HACE1: variants seen among roughly 807,000 people sequenced by gnomAD.
HACE1 encodes the protein HECT domain and ankyrin repeat containing E3 ubiquitin protein ligase 1.
Under a neutral mutation model 118.4 loss-of-function variants are expected in HACE1, and 73 were observed. That is an observed-to-expected ratio of 0.62 (90% CI 0.51 to 0.75). HACE1 has a LOEUF of 0.75. HACE1 is among the 30% of genes least tolerant of loss of function. The pLI is 0.00. For synonymous variants in HACE1, 368 were observed against 374.8 expected, an observed-to-expected ratio of 0.98 and a Z score of 0.21; for missense variants, 749 against 1,102.2, an observed-to-expected ratio of 0.68 and a Z score of 4.54.
intron 19 of HACE1, among the ~76,000 whole-genome samples, chr6:104,757,484 A>G (rs1164804717): frequency 1.3e-5 from 2 of 152,204 alleles, no homozygotes; most frequent in African/African-American, 4.8e-5. Flanking sequence ...TAACACACAG[A>G]AAGGAAGAGC....
chr6:104,745,908 T>C (rs1777379375), intron 20 of HACE1, among the ~76,000 whole-genome samples: 2 of 152,134 alleles, frequency 1.3e-5, no homozygotes, highest in Admixed American at 6.6e-5. Context: ...GTCCATGAGG[T>C]TCTCCCTTTT....
chr6:104,757,586 G>A (rs1374294183), intron 19 of HACE1, among the ~76,000 whole-genome samples: 1 of 152,160 alleles, frequency 6.6e-6, no homozygotes, highest in African/African-American at 2.4e-5. Context: ...CAAAGATGGG[G>A]AGAAACCAGA....
intron 1 of HACE1, among the ~76,000 whole-genome samples, chr6:104,856,761 C>G (rs927966480): frequency 2.0e-5 from 3 of 152,052 alleles, no homozygotes; most frequent in African/African-American, 7.2e-5. Flanking sequence ...TACTAAGAAT[C>G]CATATCCCTA....
At chr6:104,843,988 C>G (rs949086265) in intron 4 of HACE1, among the ~76,000 whole-genome samples, 1 of 151,028 alleles carries the variant, frequency 6.6e-6, no homozygotes, top group Non-Finnish European at 1.5e-5. Context: ...TTCCGAGTAG[C>G]TGGGACTACA....
At chr6:104,789,735 T>C (rs1782814099) in intron 11 of HACE1, among the ~76,000 whole-genome samples, 1 of 152,136 alleles carries the variant, frequency 6.6e-6, no homozygotes, top group Non-Finnish European at 1.5e-5. Flanking sequence ...ATTTGAATAA[T>C]ATTGACCACA....
chr6:104,809,655 C>CTTT (rs34661839), intron 7 of HACE1, among the ~76,000 whole-genome samples: 348 of 130,474 alleles, frequency 2.7e-3, no homozygotes, highest in African/African-American at 9.1e-3. Context: ...AGAGCAGATT[C>CTTT]TTTTTTTTTT....
intron 19 of HACE1, among the ~76,000 whole-genome samples, chr6:104,768,087 T>C (rs1294717130): frequency 1.3e-5 from 2 of 152,326 alleles, no homozygotes. Flanking sequence ...TCTGCCTATA[T>C]TGCTTGTATT....
chr6:104,797,758 T>A (rs1159355349), intron 7 of HACE1, among the ~76,000 whole-genome samples: 1 of 152,014 alleles, frequency 6.6e-6, no homozygotes, highest in Non-Finnish European at 1.5e-5. Flanking sequence ...GAAATTAATG[T>A]TAACAGCTGA....
At position 104,800,666 on chromosome 6, in the gene HACE1, T is replaced by A. The variant is rs527509139; in HGVS notation, c.618-3641A>T. On this transcript the variant is annotated intron_variant, in intron 7 of 23. Transcript: ENST00000262903. ...AAGGAAAACTAAGAAAGGAGTAGCA[T>A]CAACATCAACAAAAAGGACATCCAC... Among the ~76,000 whole-genome samples, 44 of 152,172 alleles carry A rather than the reference T, an allele frequency of 2.9e-4. No homozygotes were observed. The South Asian group carries it at 8.1e-3, about 28-fold the overall frequency.
intron 1 of HACE1, among the ~76,000 whole-genome samples, chr6:104,857,562 T>C (rs1776850207): frequency 6.6e-6 from 1 of 151,820 alleles, no homozygotes; most frequent in African/African-American, 2.4e-5. Context: ...AAGCTGTTTC[T>C]CATAAAATCA....
At chr6:104,839,874 C>T (rs1375126998) in intron 5 of HACE1, among the ~76,000 whole-genome samples, 5 of 152,038 alleles carry the variant, frequency 3.3e-5, no homozygotes, top group African/African-American at 4.8e-5. Context: ...GGCATGGTGA[C>T]GCACACCTGT....
intron 17 of HACE1, among the ~76,000 whole-genome samples, chr6:104,774,080 C>CTTTTT (rs540039211): frequency 6.7e-5 from 5 of 74,844 alleles, no homozygotes; most frequent in East Asian, 3.0e-4. Context: ...CATCTTTTCT[C>CTTTTT]TTTTTTTTTT....
intron 6 of HACE1, among the ~76,000 whole-genome samples, chr6:104,816,593 A>C (rs1022048967): frequency 6.6e-6 from 1 of 152,172 alleles, no homozygotes; most frequent in African/African-American, 2.4e-5. Context: ...CTGCTGCAGG[A>C]GTAGAGCCTT....
intron 11 of HACE1, chr6:104,785,989 T>C (rs1355987131): frequency 6.6e-6 from 1 of 152,198 alleles, no homozygotes; most frequent in Non-Finnish European, 1.5e-5. Flanking sequence ...CCATTTCTAA[T>C]AATTAGTGTT....
intron 7 of HACE1, among the ~76,000 whole-genome samples, chr6:104,799,175 T>C (rs1164296866): frequency 6.6e-6 from 1 of 152,244 alleles, no homozygotes; most frequent in Non-Finnish European, 1.5e-5. Flanking sequence ...ACGGTGACAC[T>C]GTTATAAGCA....
At chr6:104,767,432 A>G (rs1012136729) in intron 19 of HACE1, among the ~76,000 whole-genome samples, 3 of 152,030 alleles carry the variant, frequency 2.0e-5, no homozygotes, top group Non-Finnish European at 4.4e-5. Flanking sequence ...TGCTTCCCCA[A>G]ACCAAAATGC....
At chr6:104,785,420 T>G (rs763749675) in intron 11 of HACE1, 101 bp from the exon 12 acceptor site, 46 of 718,724 alleles carry the variant, frequency 6.4e-5, no homozygotes, top group Non-Finnish European at 1.0e-4. Context: ...AAGAGAAAAT[T>G]TACTCTAGTC....
chr6:104,859,705 A>G lies in HACE1; in HGVS notation c.-63T>C, dbSNP rs1211417938. On this transcript the variant is annotated 5_prime_UTR_variant, in exon 1 of 24. Coordinates refer to ENST00000262903, the MANE Select transcript of HACE1 (RefSeq NM_020771.4). ...CCCCACCGGCGGCCTCCGCGCCCAG[A>G]GCCCTACATCTCGCCTGGGCCCGTC... is the stretch of plus-strand genomic sequence containing the variant. The G allele has an allele frequency of 7.1e-7, 1 of 1,403,558 alleles. No individual in the cohort carries two copies. 86.9% of individuals were successfully genotyped at this position (1,403,558 alleles called of 1,614,324 possible).
intron 22 of HACE1, among the ~76,000 whole-genome samples, chr6:104,743,643 T>C (rs1777079537): frequency 6.6e-6 from 1 of 151,982 alleles, no homozygotes; most frequent in Non-Finnish European, 1.5e-5. Context: ...CTATTATATT[T>C]AACTGGTTCC....
Sources: allele counts gnomAD v4.1 joint callset (sites outside exome capture counted in the v4.1 genomes callset), GRCh38; gene constraint gnomAD v4.1.1; transcripts MANE v1.5; gene names NCBI Gene and HGNC (gene_info 2026-07-23, HGNC 2026-07-21).